The following GON4L variants were observed in gnomAD, a reference collection of about 807,000 sequenced individuals.
The protein encoded by GON4L is gon-4 like.
In GON4L, 87 loss-of-function variants were observed where a neutral mutation model predicts 211.8. The observed-to-expected ratio is 0.41, with a 90% CI of 0.35 to 0.49. GON4L has a LOEUF of 0.49. Ranked by LOEUF, GON4L falls within the 20% of genes least tolerant of loss-of-function variation. GON4L has a pLI of 0.15. For synonymous variants in GON4L, 875 were observed against 962.6 expected, an observed-to-expected ratio of 0.91 and a Z score of 1.68; for missense variants, 2,155 against 2,659.5, an observed-to-expected ratio of 0.81 and a Z score of 4.17.
chr1:155,852,468 T>C (rs749696619), intron 2 of GON4L, among the ~76,000 whole-genome samples: 16 of 152,026 alleles, frequency 1.1e-4, no homozygotes, highest in South Asian at 2.1e-4. Flanking sequence ...AATGGCTGGG[T>C]GCAGTGGCTC....
intron 24 of GON4L, among the ~76,000 whole-genome samples, chr1:155,759,574 C>T (rs1475060305): frequency 7.1e-6 from 1 of 140,680 alleles, no homozygotes; most frequent in Non-Finnish European, 1.6e-5. Context: ...AACTCCATCT[C>T]AAAAAAAAAA....
In GON4L at chr1:155,763,307, C is replaced by G. The variant is rs1276685866; in HGVS notation, c.4726+5G>C. 1 of 1,613,810 alleles carries G rather than the reference C, an allele frequency of 6.2e-7. No homozygotes were observed. The highest frequency in any genetic ancestry group is 2.2e-5 in the East Asian group (1 of 44,870). On this transcript the variant is annotated splice_donor_5th_base_variant and intron_variant, in intron 22 of 31. Coordinates refer to ENST00000368331, the MANE Select transcript of GON4L (RefSeq NM_001282860.2). Reference sequence around the variant, plus strand: ...GGTCCTTCAGTATAGGTTTGCCTAGCTCACCTGGTGGAGTTCTGCTGGTCT... The same window carrying G: ...GGTCCTTCAGTATAGGTTTGCCTAGGTCACCTGGTGGAGTTCTGCTGGTCT...
chr1:155,838,774 A>AC (rs1670529521), intron 2 of GON4L, among the ~76,000 whole-genome samples: 1 of 150,204 alleles, frequency 6.7e-6, no homozygotes, highest in South Asian at 2.1e-4. Flanking sequence ...TGTCTCAAAA[A>AC]AAAAAAAAGA....
At chr1:155,751,608 A>C (rs1660594335) in intron 31 of GON4L, among the ~76,000 whole-genome samples, 159 bp downstream of exon 31, 1 of 152,198 alleles carries the variant, frequency 6.6e-6, no homozygotes, top group Non-Finnish European at 1.5e-5. Flanking sequence ...TCTCTTCTAG[A>C]ACCACTACCA....
chr1:155,856,651 G>A (rs1283317936), intron 1 of GON4L, among the ~76,000 whole-genome samples: 1 of 148,512 alleles, frequency 6.7e-6, no homozygotes, highest in East Asian at 1.9e-4. Flanking sequence ...AAAACATGAA[G>A]ATTTCGTTGA....
intron 11 of GON4L, among the ~76,000 whole-genome samples, chr1:155,804,089 A>C (rs941846032): frequency 1.3e-5 from 2 of 152,178 alleles, no homozygotes; most frequent in African/African-American, 4.8e-5. Flanking sequence ...ATCATACATA[A>C]AATTTTGAGT....
At chr1:155,847,693 C>T (rs1458280101) in intron 2 of GON4L, among the ~76,000 whole-genome samples, 1 of 151,956 alleles carries the variant, frequency 6.6e-6, no homozygotes, top group Non-Finnish European at 1.5e-5. Flanking sequence ...CAGAGCGAGA[C>T]TCCATCTCAA....
chr1:155,847,710 A>AAC (rs2102462619), intron 2 of GON4L, among the ~76,000 whole-genome samples: 1 of 151,808 alleles, frequency 6.6e-6, no homozygotes, highest in Admixed American at 6.6e-5. Flanking sequence ...TCAAAACAAC[A>AAC]AAAAACAAAA....
downstream of GON4L, among the ~76,000 whole-genome samples, chr1:155,749,030 G>A (rs531886160): frequency 1.1e-3 from 175 of 152,276 alleles, no homozygotes; most frequent in African/African-American, 4.2e-3. Context: ...GAGGTGGGCA[G>A]ATCACCTGAG....
Position 155,750,525 on chromosome 1 carries a change from C to T in GON4L, c.*59G>A. 3 of 1,516,958 alleles carry T rather than the reference C, an allele frequency of 2.0e-6. No individual in the cohort carries two copies. Among genetic ancestry groups the T allele is most frequent in the South Asian group, 2.3e-5 (2 of 88,304 alleles). 94.0% of individuals were successfully genotyped at this position (1,516,958 alleles called of 1,614,324 possible). A position where few individuals can be genotyped will look rare whatever the true frequency, so the allele number is the denominator to read the frequency against. ...ACTGTACAAGCAGAGTACAACTACC[C>T]CCTCCCCGGTGCCAGGGCGCCTGTT... On this transcript the variant is annotated 3_prime_UTR_variant, in exon 32 of 32. Coordinates refer to ENST00000368331, the MANE Select transcript of GON4L (RefSeq NM_001282860.2).
chr1:155,762,266 T>A lies in GON4L; in HGVS notation c.4835A>T (p.Tyr1612Phe). ...ATCTCGCTCGAGAATGTCCTCATCA[T>A]ACAGCAACAGCAGCTTGGAGGTGTC... is the stretch of plus-strand genomic sequence containing the variant. ...SKDTSKLLLL[Y>F]DEDILERDPL... The change falls in exon 23 of 32, where the codon TAT (tyrosine) becomes TTT (phenylalanine). Residue 1612 changes from tyrosine to phenylalanine, a missense_variant. This residue lies in a region of GON4L where 455 missense variants were observed against 504.6 expected (regional missense o/e 0.90). Coordinates refer to ENST00000368331, the MANE Select transcript of GON4L (RefSeq NM_001282860.2). 6.2e-7 allele frequency: 1 copy of A among 1,613,238 alleles called. No individual in the cohort carries two copies. Among genetic ancestry groups the A allele is most frequent in the Non-Finnish European group, 8.5e-7 (1 of 1,179,594 alleles).
intron 11 of GON4L, among the ~76,000 whole-genome samples, chr1:155,802,445 A>T (rs1010778055): frequency 5.3e-5 from 8 of 152,204 alleles, no homozygotes; most frequent in African/African-American, 1.7e-4. Flanking sequence ...AGAATCCAGC[A>T]TATAGAGTAT....
intron 29 of GON4L, 91 bp from the exon 30 acceptor site, chr1:155,752,681 A>G: frequency 6.5e-7 from 1 of 1,539,840 alleles, no homozygotes; most frequent in Non-Finnish European, 8.8e-7. Flanking sequence ...CTGTGCAAAA[A>G]TTCTAATAAA....
chr1:155,858,446 C>CTAA (rs1386117739), upstream of GON4L, among the ~76,000 whole-genome samples: 2 of 152,118 alleles, frequency 1.3e-5, no homozygotes, highest in Non-Finnish European at 2.9e-5. Context: ...AGTAGTCTGA[C>CTAA]TAACCTGAAT....
chr1:155,830,665 C>T (rs529229720), intron 2 of GON4L, among the ~76,000 whole-genome samples: 26 of 152,194 alleles, frequency 1.7e-4, no homozygotes, highest in African/African-American at 4.8e-4. Context: ...CAGCTCACTG[C>T]GGCCTCAACC....
At chr1:155,833,288 T>C (rs1277217980) in intron 2 of GON4L, among the ~76,000 whole-genome samples, 1 of 152,096 alleles carries the variant, frequency 6.6e-6, no homozygotes, top group Non-Finnish European at 1.5e-5. Context: ...TGACAACTTA[T>C]CTTGAAAAAA....
At chr1:155,811,754 C>CAAAAAAAA (rs145360103) in intron 10 of GON4L, among the ~76,000 whole-genome samples, 371 of 33,020 alleles carry the variant, frequency 0.011, 51 homozygotes, top group East Asian at 0.07. Context: ...GACTCTGTCT[C>CAAAAAAAA]AAAAAAAAAA....
At chr1:155,800,850 G>GAAAA (rs751271183) in intron 11 of GON4L, among the ~76,000 whole-genome samples, 2 of 49,002 alleles carry the variant, frequency 4.1e-5, no homozygotes, top group African/African-American at 6.7e-5. Context: ...CTCTGTCTCA[G>GAAAA]AAAAAAAAAA....
chr1:155,805,568 T>C (rs2102082588), intron 10 of GON4L, among the ~76,000 whole-genome samples: 1 of 152,258 alleles, frequency 6.6e-6, no homozygotes, highest in East Asian at 1.9e-4. Flanking sequence ...ATTTTCTGTC[T>C]CTATGGATTT....
Sources: gnomAD v4.1 joint callset for allele counts (sites outside exome capture counted in the v4.1 genomes callset) on GRCh38, gnomAD v4.1.1 for gene constraint, gnomAD v4.1.1 regional missense constraint, MANE v1.5 for transcripts, NCBI Gene and HGNC (gene_info 2026-07-23, HGNC 2026-07-21) for gene names.